The following RYR2 variants were observed in gnomAD, a reference collection of about 807,000 sequenced individuals.
RYR2 encodes cardiac muscle ryanodine receptor-calcium release channel.
Under a neutral mutation model 601.1 loss-of-function variants are expected in RYR2, and 227 were observed. The observed-to-expected ratio is 0.38, with a 90% confidence interval of 0.34 to 0.42. The LOEUF is 0.42. Among genes scored for constraint, RYR2 ranks in the 10% least tolerant of loss-of-function variants. The pLI is 1.00. For synonymous variants in RYR2, 2,223 were observed against 2,175.1 expected, an observed-to-expected ratio of 1.02 and a Z score of -0.61; for missense variants, 4,646 against 6,156.5, an observed-to-expected ratio of 0.75 and a Z score of 8.21.
At chr1:237,381,606 C>G (rs1572064742) in intron 8 of RYR2, among the ~76,000 whole-genome samples, 1 of 152,286 alleles carries the variant, frequency 6.6e-6, no homozygotes, top group East Asian at 1.9e-4. Flanking sequence ...ATGGGGTACA[C>G]TAATACAACT....
At chr1:237,696,360 T>C (rs1365704471) in intron 63 of RYR2, among the ~76,000 whole-genome samples, 1 of 152,138 alleles carries the variant, frequency 6.6e-6, no homozygotes, top group Non-Finnish European at 1.5e-5. Context: ...TTTCCCATTG[T>C]CTATACTGCA....
chr1:237,454,695 A>G (rs557092971), intron 15 of RYR2, 121 bp downstream of exon 15: 11 of 878,142 alleles, frequency 1.3e-5, no homozygotes, highest in South Asian at 1.6e-5. Flanking sequence ...AGGAGAAAGT[A>G]TACTACTGAA....
chr1:237,546,581 A>G (rs983215455), intron 25 of RYR2, among the ~76,000 whole-genome samples: 2 of 152,074 alleles, frequency 1.3e-5, no homozygotes, highest in Non-Finnish European at 1.5e-5. Flanking sequence ...GGGTTTTGCC[A>G]TATCAGCCAG....
At chr1:237,634,793 T>G in intron 43 of RYR2, 96 bp from the exon 44 acceptor site, 1 of 883,502 alleles carries the variant, frequency 1.1e-6, no homozygotes, top group Non-Finnish European at 1.8e-6. Context: ...ATGGATGGTG[T>G]TTAGAAATTA....
At chr1:237,694,029 T>A (rs1171872163) in intron 63 of RYR2, among the ~76,000 whole-genome samples, 2 of 152,150 alleles carry the variant, frequency 1.3e-5, no homozygotes, top group African/African-American at 4.8e-5. Context: ...GTGCGGTGGC[T>A]CACGCCTGTA....
intron 25 of RYR2, among the ~76,000 whole-genome samples, chr1:237,531,032 A>G (rs1306696296): frequency 2.6e-5 from 4 of 152,198 alleles, no homozygotes; most frequent in African/African-American, 9.7e-5. Context: ...AGCTCAGAAT[A>G]TATTTGGGAG....
rs1421973521 is a variant in RYR2, at chr1:237,833,627, TC to T, written c.*982del. ...AATTGTATATCTGGAGCCAGTGTCA[TC>T]CACCAACAATGTGATACAATATGAA... is the stretch of plus-strand genomic sequence containing the variant. On this transcript the variant is annotated 3_prime_UTR_variant, in exon 105 of 105. Coordinates refer to ENST00000366574, the MANE Select transcript of RYR2 (RefSeq NM_001035.3). The T allele has an allele frequency of 6.6e-6, 1 of 152,612 alleles. No homozygotes were observed. Among genetic ancestry groups the T allele is most frequent in the Admixed American group, 6.5e-5 (1 of 15,270 alleles). 9.5% of individuals were successfully genotyped at this position (152,612 alleles called of 1,614,324 possible). A position where few individuals can be genotyped will look rare whatever the true frequency, so the allele number is the denominator to read the frequency against.
chr1:237,231,688 A>G (rs1685015104), intron 1 of RYR2, among the ~76,000 whole-genome samples: 2 of 152,302 alleles, frequency 1.3e-5, no homozygotes, highest in South Asian at 4.1e-4. Context: ...GGAGAATTGC[A>G]TGTGGATTTA....
At chr1:237,783,635 G>A in intron 89 of RYR2, 40 bp from the exon 90 acceptor site, 1 of 1,275,280 alleles carries the variant, frequency 7.8e-7, no homozygotes, top group Non-Finnish European at 1.1e-6. Context: ...CACTGATTTT[G>A]TTAGTTTATT....
At position 237,668,028 on chromosome 1, in the gene RYR2, G is replaced by A. The variant is rs1004270424; in HGVS notation, c.8590+70G>A. ...ATTCCATGAGTGTATGGATGAAGTC[G>A]TCTTCAGCACAACAGCTTATTATAA... is the stretch of plus-strand genomic sequence containing the variant. On this transcript the variant is annotated intron_variant, in intron 58 of 104. Transcript: ENST00000366574. 107 of 1,193,956 alleles carry A rather than the reference G, an allele frequency of 9.0e-5. 1 individual carries two copies. The East Asian group carries it at 2.1e-3, about 23-fold the overall frequency. The allele number at this position is 1,193,956 out of a possible 1,614,324, so 74.0% of individuals were successfully genotyped here. A position where few individuals can be genotyped will look rare whatever the true frequency, so the allele number is the denominator to read the frequency against.
In RYR2 at chr1:237,678,037, C is replaced by T; in HGVS notation, c.8831-11C>T. 1 of 1,574,938 alleles carries T rather than the reference C, an allele frequency of 6.3e-7. No homozygotes were observed. The highest frequency in any genetic ancestry group is 8.7e-7 in the Non-Finnish European group (1 of 1,146,362). Reference sequence around the variant, plus strand: ...GTGCAGCATTTACCTAAAAACTCTTCAAATCTACAGATGGTGGCAGCAGAG... The same window carrying T: ...GTGCAGCATTTACCTAAAAACTCTTTAAATCTACAGATGGTGGCAGCAGAG... On this transcript the variant is annotated splice_polypyrimidine_tract_variant and intron_variant, in intron 60 of 104. Coordinates refer to ENST00000366574, the MANE Select transcript of RYR2 (RefSeq NM_001035.3).
chr1:237,338,352 T>A (rs1005671544), intron 3 of RYR2, among the ~76,000 whole-genome samples: 7 of 152,214 alleles, frequency 4.6e-5, no homozygotes, highest in African/African-American at 1.7e-4. Context: ...CGGGCTTCAT[T>A]CTCTGAAGGT....
intron 50 of RYR2, among the ~76,000 whole-genome samples, chr1:237,650,705 C>T (rs1682644050): frequency 6.6e-6 from 1 of 152,140 alleles, no homozygotes; most frequent in Non-Finnish European, 1.5e-5. Flanking sequence ...TCATTTGTAA[C>T]TGCTCAGGGA....
At chr1:237,660,747 G>A (rs555977620) in intron 55 of RYR2, 63 bp from the exon 56 acceptor site, 40 of 1,408,964 alleles carry the variant, frequency 2.8e-5, no homozygotes, top group Admixed American at 1.1e-4. Context: ...AGAGCAAAGC[G>A]TTACTTAACA....
chr1:237,136,144 G>A (rs919696475), intron 1 of RYR2, among the ~76,000 whole-genome samples: 1 of 152,232 alleles, frequency 6.6e-6, no homozygotes. Context: ...TAAACCACCA[G>A]CTTAGCCCGT....
intron 1 of RYR2, among the ~76,000 whole-genome samples, chr1:237,220,466 T>C (rs1015898648): frequency 5.9e-5 from 9 of 152,228 alleles, no homozygotes; most frequent in Admixed American, 2.6e-4. Context: ...CTTTGAGCCA[T>C]GTTAGCAGCT....
intron 2 of RYR2, among the ~76,000 whole-genome samples, chr1:237,322,576 A>T (rs914724619): frequency 1.3e-5 from 2 of 152,126 alleles, no homozygotes; most frequent in Non-Finnish European, 2.9e-5. Flanking sequence ...CTGTCACAGA[A>T]CTCCCTAGAG....
intron 1 of RYR2, among the ~76,000 whole-genome samples, chr1:237,206,314 C>T (rs537456459): frequency 3.3e-5 from 5 of 152,162 alleles, no homozygotes; most frequent in Non-Finnish European, 7.3e-5. Flanking sequence ...GAAACTCGGC[C>T]GAACATGAGC....
intron 1 of RYR2, among the ~76,000 whole-genome samples, chr1:237,201,894 T>C (rs1478595037): frequency 1.3e-5 from 2 of 152,218 alleles, no homozygotes; most frequent in Non-Finnish European, 2.9e-5. Flanking sequence ...CTATCTGAGT[T>C]ATTTTATCAT....
Sources: allele counts gnomAD v4.1 joint callset (sites outside exome capture counted in the v4.1 genomes callset), GRCh38; gene constraint gnomAD v4.1.1; transcripts MANE v1.5; gene names NCBI Gene and HGNC (gene_info 2026-07-23, HGNC 2026-07-21).